DNAH9: variants seen among roughly 807,000 people sequenced by gnomAD.
DNAH9 encodes the protein dynein axonemal heavy chain 9, also known as DNAH9 variant protein.
DNAH9 carries 345 observed loss-of-function variants against 471.6 expected under a neutral mutation model. The observed-to-expected ratio is 0.73, with a 90% CI of 0.67 to 0.80. The LOEUF (loss-of-function observed/expected upper bound fraction) is 0.80, where lower values mean the gene tolerates loss of function less well. Ranked by LOEUF, DNAH9 falls within the 30% of genes least tolerant of loss-of-function variation. The pLI, the probability that DNAH9 is intolerant of heterozygous loss-of-function variation, is 0.00. For missense variants in DNAH9, 5,407 were observed against 5,609.2 expected (o/e 0.96, Z 1.15); for synonymous variants, 2,093 against 2,123.6 (o/e 0.99, Z 0.40).
chr17:11,924,383 T>G (rs1012268894), intron 62 of DNAH9, among the ~76,000 whole-genome samples: 9 of 152,080 alleles, frequency 5.9e-5, no homozygotes, highest in African/African-American at 2.2e-4. Context: ...GGGAGCAACC[T>G]TAGCCTCTTC....
chr17:11,938,588 G>A (rs1974791338), intron 66 of DNAH9, among the ~76,000 whole-genome samples: 1 of 151,896 alleles, frequency 6.6e-6, no homozygotes, highest in Non-Finnish European at 1.5e-5. Context: ...GTACTGCCTG[G>A]ATTTTTTTTT....
intron 49 of DNAH9, among the ~76,000 whole-genome samples, chr17:11,846,619 A>T (rs1176489338): frequency 1.4e-5 from 2 of 141,850 alleles, no homozygotes; most frequent in Admixed American, 7.2e-5. Flanking sequence ...CACGATATTG[A>T]TTCTTCCTAC....
chr17:11,727,468 G>A (rs1242495482), intron 27 of DNAH9, among the ~76,000 whole-genome samples: 1 of 152,140 alleles, frequency 6.6e-6, no homozygotes, highest in African/African-American at 2.4e-5. Context: ...ATCAGTGCAT[G>A]ACAAAGGCTG....
intron 60 of DNAH9, 90 bp downstream of exon 60, chr17:11,903,002 C>T: frequency 7.1e-7 from 1 of 1,406,650 alleles, no homozygotes; most frequent in Non-Finnish European, 9.7e-7. Flanking sequence ...GCTCCAAAGC[C>T]ATGTGTATAT....
At chr17:11,724,907 G>A (rs531710118) in intron 27 of DNAH9, among the ~76,000 whole-genome samples, 55 of 152,252 alleles carry the variant, frequency 3.6e-4, no homozygotes, top group Middle Eastern at 6.8e-3. Flanking sequence ...GGGGGCCCTG[G>A]TCTTCTCTTC....
intron 62 of DNAH9, among the ~76,000 whole-genome samples, chr17:11,926,831 A>G (rs1042853330): frequency 1.3e-5 from 2 of 152,216 alleles, no homozygotes; most frequent in Non-Finnish European, 2.9e-5. Context: ...AGGAATTGCT[A>G]CACTGTCTTC....
intron 50 of DNAH9, among the ~76,000 whole-genome samples, chr17:11,855,423 C>T (rs1462250853): frequency 6.6e-6 from 1 of 152,120 alleles, no homozygotes; most frequent in Non-Finnish European, 1.5e-5. Context: ...TTTAACCTTC[C>T]ATCTTAGATA....
chr17:11,904,690 G>A (rs913898265), intron 60 of DNAH9, among the ~76,000 whole-genome samples: 7 of 151,040 alleles, frequency 4.6e-5, no homozygotes, highest in African/African-American at 1.7e-4. Context: ...AAACAGTAGT[G>A]GGCAGTGAGC....
Position 11,610,486 on chromosome 17 carries a change from GTCT to G in DNAH9, c.708_710del (p.Ser237del). On this transcript the variant is annotated inframe_deletion, in exon 3 of 69. Coordinates refer to ENST00000262442, the MANE Select transcript of DNAH9 (RefSeq NM_001372.4). ...AAGTCCAGGTGGTACTCAAGAGAGAGTCTTCCCAGCCACTCTTACAAGGGGAGA... is the reference window on the plus strand; with the variant it reads ...AAGTCCAGGTGGTACTCAAGAGAGAGTCCCAGCCACTCTTACAAGGGGAGA... The G allele has an allele frequency of 6.2e-7, 1 of 1,613,644 alleles. No individual in the cohort carries two copies. The highest frequency in any genetic ancestry group is 1.1e-5 in the South Asian group (1 of 91,058).
chr17:11,746,146 T>C (rs1183898184), intron 31 of DNAH9, among the ~76,000 whole-genome samples: 1 of 152,118 alleles, frequency 6.6e-6, no homozygotes, highest in Non-Finnish European at 1.5e-5. Context: ...CCTAGTTGAG[T>C]GAGGAGGTAG....
At chr17:11,637,513 G>A (rs1236966746) in intron 9 of DNAH9, among the ~76,000 whole-genome samples, 2 of 152,100 alleles carry the variant, frequency 1.3e-5, no homozygotes, top group African/African-American at 2.4e-5. Flanking sequence ...TGGGAGGATC[G>A]CTTGAGTTCA....
intron 50 of DNAH9, among the ~76,000 whole-genome samples, chr17:11,865,514 C>A (rs1339034512): frequency 6.6e-6 from 1 of 152,084 alleles, no homozygotes; most frequent in Non-Finnish European, 1.5e-5. Context: ...CTGCTCTTCT[C>A]GAGGCGTATC....
At chr17:11,763,790 C>T (rs888681965) in intron 36 of DNAH9, among the ~76,000 whole-genome samples, 176 bp downstream of exon 36, 2 of 152,192 alleles carry the variant, frequency 1.3e-5, no homozygotes, top group Non-Finnish European at 2.9e-5. Context: ...CTAGCCAGAC[C>T]TCATAGGGTG....
chr17:11,966,163 C>CATAT (rs1426463135), intron 68 of DNAH9, among the ~76,000 whole-genome samples: 17 of 152,120 alleles, frequency 1.1e-4, no homozygotes, highest in African/African-American at 3.6e-4. Flanking sequence ...CATACCAAGA[C>CATAT]ATATTATAGT....
rs1389217941 is a variant in DNAH9 at position 11,843,890 on chromosome 17, T to TATATATATACAC, written c.9507+8993_9507+8994insTATATATACACA. On this transcript the variant is annotated intron_variant, in intron 49 of 68. Coordinates refer to ENST00000262442, the MANE Select transcript of DNAH9 (RefSeq NM_001372.4). The stretch of plus-strand genomic sequence containing the variant: ...ATATATATATATATATATATATATA[T>TATATATATACAC]ACACATAGAGAGAGAGAGAATAATA... Among the ~76,000 whole-genome samples, 42 of 127,222 alleles carry TATATATATACAC rather than the reference T, an allele frequency of 3.3e-4. 1 individual carries two copies. Among genetic ancestry groups the TATATATATACAC allele is most frequent in the African/African-American group, 1.2e-3 (39 of 32,352 alleles). The allele number at this position is 127,222 out of a possible 152,430, so 83.5% of individuals were successfully genotyped here.
intron 53 of DNAH9, among the ~76,000 whole-genome samples, chr17:11,877,473 TAAAAA>T (rs550300868): frequency 2.9e-5 from 2 of 68,606 alleles, no homozygotes; most frequent in African/African-American, 6.9e-5. Context: ...AAACTCTGTC[TAAAAA>T]AAAAAAAAAA....
chr17:11,780,266 G>A lies in DNAH9; in HGVS notation c.7553-743G>A, dbSNP rs568279078. Among the ~76,000 whole-genome samples, 16 of 152,328 alleles carry A rather than the reference G, an allele frequency of 1.1e-4. No homozygotes were observed. In the South Asian group the frequency reaches 1.4e-3, roughly 14 times the overall value. On this transcript the variant is annotated intron_variant, in intron 38 of 68. Coordinates refer to ENST00000262442, the MANE Select transcript of DNAH9 (RefSeq NM_001372.4). ...AAACCTGAGAGCTGGGGAGGGCACC[G>A]TTCATGACACTGGAAGCATCTGGGA... is the stretch of plus-strand genomic sequence containing the variant.
chr17:11,719,505 G>A lies in DNAH9; in HGVS notation c.5709+15G>A, dbSNP rs774800451. The A allele has an allele frequency of 1.3e-5, 20 of 1,599,180 alleles. No homozygotes were observed. The highest frequency in any genetic ancestry group is 1.0e-4 in the South Asian group (9 of 89,772). On this transcript the variant is annotated intron_variant, in intron 27 of 68. Coordinates refer to ENST00000262442, the MANE Select transcript of DNAH9 (RefSeq NM_001372.4). ...TGGATTACAAGGTACAGTTCCACCC[G>A]GCTTCCTGGGGGTGGGGGTGGGGGA...
At chr17:11,786,948 G>A (rs1434463453) in intron 41 of DNAH9, among the ~76,000 whole-genome samples, 1 of 152,164 alleles carries the variant, frequency 6.6e-6, no homozygotes, top group Non-Finnish European at 1.5e-5. Flanking sequence ...CAACATCCCT[G>A]GAGTGCTGCC....
Sources: gnomAD v4.1 joint callset for allele counts (sites outside exome capture counted in the v4.1 genomes callset) on GRCh38, gnomAD v4.1.1 for gene constraint, MANE v1.5 for transcripts, NCBI Gene and HGNC (gene_info 2026-07-23, HGNC 2026-07-21) for gene names.